APBA2: variants seen among roughly 807,000 people sequenced by gnomAD.
APBA2 encodes amyloid-beta A4 precursor protein-binding family A member 2.
Under a neutral mutation model 75.0 loss-of-function variants are expected in APBA2, and 30 were observed. The observed-to-expected ratio is 0.40, with a 90% CI of 0.30 to 0.54. The LOEUF (loss-of-function observed/expected upper bound fraction) is 0.54, where lower values mean the gene tolerates loss of function less well. Among genes scored for constraint, APBA2 ranks in the 20% least tolerant of loss-of-function variants. The probability of loss-of-function intolerance (pLI) is 0.49; values close to 1 mark genes in which losing one functional copy is unlikely to be tolerated. For missense variants in APBA2, 801 were observed against 1,016.1 expected, an observed-to-expected ratio of 0.79 and a Z score of 2.88; for synonymous variants, 444 against 409.6, an observed-to-expected ratio of 1.08 and a Z score of -1.01.
intron 1 of APBA2, among the ~76,000 whole-genome samples, chr15:28,919,656 G>T (rs1217409561): frequency 6.6e-6 from 1 of 152,176 alleles, no homozygotes; most frequent in Non-Finnish European, 1.5e-5. Context: ...AGCACACCCT[G>T]CAGCGGGGAC....
intron 13 of APBA2, chr15:29,108,675 G>A: frequency 3.6e-6 from 2 of 550,290 alleles, no homozygotes; most frequent in Non-Finnish European, 6.5e-6. Flanking sequence ...AGGGAGGGCA[G>A]CAGACTTCAC....
intron 2 of APBA2, among the ~76,000 whole-genome samples, chr15:28,928,156 A>AG (rs1173659886): frequency 4.6e-5 from 7 of 151,488 alleles, no homozygotes; most frequent in African/African-American, 1.5e-4. Flanking sequence ...AAAAAAAAAA[A>AG]AAAGAAACAT....
At chr15:28,888,634 C>T (rs558843684) in intron 1 of APBA2, among the ~76,000 whole-genome samples, 21 of 152,296 alleles carry the variant, frequency 1.4e-4, no homozygotes, top group Non-Finnish European at 2.2e-4. Context: ...CGGTGGGGAT[C>T]GAGACCCAGC....
At chr15:28,922,310 C>A (rs1412881947) in intron 2 of APBA2, among the ~76,000 whole-genome samples, 1 of 152,166 alleles carries the variant, frequency 6.6e-6, no homozygotes, top group Admixed American at 6.5e-5. Flanking sequence ...GTAGCCAGTC[C>A]CAGGCACCAC....
At chr15:29,034,847 T>A (rs1473122556) in intron 3 of APBA2, among the ~76,000 whole-genome samples, 1 of 152,186 alleles carries the variant, frequency 6.6e-6, no homozygotes, top group Non-Finnish European at 1.5e-5. Context: ...AGTTCCCAGG[T>A]GACACTGATG....
At chr15:29,035,508 G>T (rs2040700905) in intron 3 of APBA2, among the ~76,000 whole-genome samples, 1 of 152,136 alleles carries the variant, frequency 6.6e-6, no homozygotes, top group African/African-American at 2.4e-5. Flanking sequence ...GGTGGAATTA[G>T]GGGTGTGTGT....
At chr15:29,091,662 GC>G (rs960680733) in intron 6 of APBA2, among the ~76,000 whole-genome samples, 232 of 152,330 alleles carry the variant, frequency 1.5e-3, no homozygotes, top group African/African-American at 5.4e-3. Context: ...ACTCCTGTGG[GC>G]AGATACACAG....
intron 4 of APBA2, among the ~76,000 whole-genome samples, chr15:29,060,549 T>C (rs2042088217): frequency 6.6e-6 from 1 of 152,164 alleles, no homozygotes; most frequent in Non-Finnish European, 1.5e-5. Flanking sequence ...TCTCCTCTGT[T>C]GTCTGTTTCC....
chr15:29,116,484 T>C (rs4779795), intron 14 of APBA2, among the ~76,000 whole-genome samples: 122,416 of 151,658 alleles, frequency 0.81, 50,391 homozygotes, highest in Non-Finnish European at 0.9. Context: ...AAAAATTCGC[T>C]GGGTGTGGTG....
chr15:29,034,142 T>C (rs1161033565), intron 3 of APBA2, among the ~76,000 whole-genome samples: 1 of 151,638 alleles, frequency 6.6e-6, no homozygotes, highest in Admixed American at 6.6e-5. Flanking sequence ...ATGTCTAGAG[T>C]TTTTATTTGG....
intron 2 of APBA2, among the ~76,000 whole-genome samples, chr15:28,975,328 C>T (rs189864553): frequency 3.5e-4 from 54 of 152,138 alleles, no homozygotes; most frequent in African/African-American, 1.3e-3. Flanking sequence ...AAAAAGAAAC[C>T]TTAAGATTAT....
intron 1 of APBA2, among the ~76,000 whole-genome samples, chr15:28,892,956 G>A (rs2032233088): frequency 6.6e-6 from 1 of 152,222 alleles, no homozygotes; most frequent in Non-Finnish European, 1.5e-5. Flanking sequence ...GCAAGTGTGT[G>A]CCTTGTGCAA....
At chr15:28,899,855 A>T (rs1160977206) in intron 1 of APBA2, among the ~76,000 whole-genome samples, 3 of 152,238 alleles carry the variant, frequency 2.0e-5, no homozygotes, top group Non-Finnish European at 4.4e-5. Flanking sequence ...GTAGTAATTT[A>T]GTTTTATTTT....
chr15:28,952,151 C>T (rs538590576), intron 2 of APBA2, among the ~76,000 whole-genome samples: 6 of 152,114 alleles, frequency 3.9e-5, no homozygotes, highest in Non-Finnish European at 5.9e-5. Flanking sequence ...ACCATGACCA[C>T]GTGTCACATA....
Position 28,969,917 on chromosome 15 carries a change from A to C in APBA2, c.-94-25836A>C, listed in dbSNP as rs1595600739. ...AGGCACTGCCAGCTGCTCACAGGCC[A>C]GGCCGGGCGGGCAGAGCCTCCTCGC... On this transcript the variant is annotated intron_variant, in intron 2 of 14. Transcript: ENST00000683413. Among the ~76,000 whole-genome samples, 3 of 152,378 alleles carry C rather than the reference A, an allele frequency of 2.0e-5. No homozygotes were observed. The South Asian group carries it at 6.2e-4, about 32-fold the overall frequency.
chr15:28,897,514 A>T (rs528520478), intron 1 of APBA2, among the ~76,000 whole-genome samples: 7 of 142,598 alleles, frequency 4.9e-5, no homozygotes, highest in African/African-American at 1.8e-4. Flanking sequence ...GCTACTCGGG[A>T]GGTTGAGGTG....
At chr15:28,906,707 G>C (rs1389055539) in intron 1 of APBA2, among the ~76,000 whole-genome samples, 1 of 152,194 alleles carries the variant, frequency 6.6e-6, no homozygotes, top group Non-Finnish European at 1.5e-5. Context: ...TGGGTATAAA[G>C]TGATAGCTTA....
intron 10 of APBA2, among the ~76,000 whole-genome samples, chr15:29,104,638 TCC>T (rs1441678115): frequency 6.6e-6 from 1 of 152,164 alleles, no homozygotes; most frequent in Non-Finnish European, 1.5e-5. Flanking sequence ...CAGCCACACA[TCC>T]CTAGAAGAGC....
intron 6 of APBA2, among the ~76,000 whole-genome samples, chr15:29,092,269 C>T (rs2043614087): frequency 6.6e-6 from 1 of 152,164 alleles, no homozygotes. Context: ...TAGCTGGAGC[C>T]TTATTGTCTG....
Sources: gnomAD v4.1 joint callset for allele counts (sites outside exome capture counted in the v4.1 genomes callset) on GRCh38, gnomAD v4.1.1 for gene constraint, MANE v1.5 for transcripts, NCBI Gene and HGNC (gene_info 2026-07-23, HGNC 2026-07-21) for gene names.